The following KIAA0825 variants were observed in gnomAD, a reference collection of about 807,000 sequenced individuals.
KIAA0825 encodes uncharacterized protein KIAA0825.
Under a neutral mutation model 147.6 loss-of-function variants are expected in KIAA0825, and 119 were observed. The observed-to-expected ratio is 0.81, with a 90% confidence interval of 0.69 to 0.94. The LOEUF (loss-of-function observed/expected upper bound fraction) is 0.94, where lower values mean the gene tolerates loss of function less well. Among genes scored for constraint, KIAA0825 ranks in the 40% least tolerant of loss-of-function variants. The pLI, the probability that KIAA0825 is intolerant of heterozygous loss-of-function variation, is 0.00. For synonymous variants in KIAA0825, 470 were observed against 518.1 expected (o/e 0.91, Z 1.26); for missense variants, 1,381 against 1,472.7 (o/e 0.94, Z 1.02).
At chr5:94,360,245 G>A (rs1004599550) in intron 20 of KIAA0825, among the ~76,000 whole-genome samples, 1 of 151,970 alleles carries the variant, frequency 6.6e-6, no homozygotes, top group Non-Finnish European at 1.5e-5. Context: ...AATTCACCGA[G>A]AGGGAAAGAA....
intron 20 of KIAA0825, among the ~76,000 whole-genome samples, chr5:94,185,556 T>C (rs1770042142): frequency 6.6e-6 from 1 of 152,172 alleles, no homozygotes; most frequent in South Asian, 2.1e-4. Context: ...TCTCAAATTA[T>C]AAGACCCTGG....
intron 2 of KIAA0825, among the ~76,000 whole-genome samples, chr5:94,559,285 T>C (rs1321981387): frequency 6.6e-6 from 1 of 152,244 alleles, no homozygotes; most frequent in African/African-American, 2.4e-5. Flanking sequence ...TGGAAAATGT[T>C]GTAAAGGACT....
chr5:94,513,694 A>G (rs1363253778), intron 5 of KIAA0825, among the ~76,000 whole-genome samples: 1 of 152,102 alleles, frequency 6.6e-6, no homozygotes, highest in African/African-American at 2.4e-5. Flanking sequence ...AGATAAAGAT[A>G]TGTACACATA....
At chr5:94,507,015 T>C (rs1765813696) in intron 5 of KIAA0825, among the ~76,000 whole-genome samples, 1 of 152,178 alleles carries the variant, frequency 6.6e-6, no homozygotes, top group Admixed American at 6.5e-5. Context: ...ACTAGTATCA[T>C]ACACAACAAA....
intron 20 of KIAA0825, among the ~76,000 whole-genome samples, chr5:94,266,417 A>G (rs1053295236): frequency 6.6e-6 from 1 of 152,200 alleles, no homozygotes; most frequent in Non-Finnish European, 1.5e-5. Context: ...AGACCAATTC[A>G]AAGTACAAGA....
intron 14 of KIAA0825, 51 bp from the exon 15 acceptor site, chr5:94,417,416 G>A: frequency 6.9e-7 from 1 of 1,445,278 alleles, no homozygotes; most frequent in Non-Finnish European, 9.4e-7. Flanking sequence ...TAAGATATCA[G>A]TGAATATGAT....
intron 20 of KIAA0825, among the ~76,000 whole-genome samples, chr5:94,364,169 T>C (rs1397632306): frequency 6.6e-6 from 1 of 151,786 alleles, no homozygotes; most frequent in Non-Finnish European, 1.5e-5. Context: ...ACGTATATAA[T>C]GTAGTGTATA....
At chr5:94,557,262 C>T (rs777465731) in intron 2 of KIAA0825, among the ~76,000 whole-genome samples, 2 of 152,118 alleles carry the variant, frequency 1.3e-5, no homozygotes, top group African/African-American at 4.8e-5. Context: ...CAGGCACGTG[C>T]TACCATGCCT....
At chr5:94,568,065 T>C (rs1023739177) in intron 2 of KIAA0825, 1 of 164,672 alleles carries the variant, frequency 6.1e-6, no homozygotes, top group African/African-American at 2.4e-5. Flanking sequence ...CAATTAGGAC[T>C]CATGGTAGTC....
intron 20 of KIAA0825, among the ~76,000 whole-genome samples, chr5:94,205,565 A>G (rs965057419): frequency 4.6e-5 from 7 of 152,090 alleles, no homozygotes; most frequent in African/African-American, 1.7e-4. Context: ...TGCTGGGATT[A>G]CAGGCGTGAG....
At position 94,471,478 on chromosome 5, in the gene KIAA0825, TC is replaced by T. The variant is rs1284267813; in HGVS notation, c.1708del (p.Glu570LysfsTer2). 1.9e-6 allele frequency: 3 copies of T among 1,551,978 alleles called. No individual in the cohort carries two copies. In the South Asian group the frequency reaches 3.6e-5, roughly 18 times the overall value. On this transcript the variant is annotated frameshift_variant, in exon 9 of 21. Transcript: ENST00000682413. LOFTEE classifies it high-confidence loss of function. ...HFKRYDNLMKEMTKKPIFLVL... is the reference protein window; with the variant it reads ...HFKRYDNLMKXMTKKPIFLVL... ...AAACAACACTCACTTTTTAGTCATT[TC>T]CTTCATCAAATTATCATATCGCTTG...
At chr5:94,413,179 G>A (rs765163723) in intron 15 of KIAA0825, 3 of 151,632 alleles carry the variant, frequency 2.0e-5, no homozygotes, top group East Asian at 2.0e-4. Flanking sequence ...TCAAACTCTC[G>A]ACCGCAGATG....
intron 3 of KIAA0825, among the ~76,000 whole-genome samples, chr5:94,529,261 T>G (rs1770089253): frequency 7.7e-6 from 1 of 129,592 alleles, no homozygotes; most frequent in Non-Finnish European, 1.6e-5. Context: ...TATGTATATA[T>G]CATATATATG....
At chr5:94,488,531 T>C (rs1763330998) in intron 5 of KIAA0825, among the ~76,000 whole-genome samples, 1 of 152,084 alleles carries the variant, frequency 6.6e-6, no homozygotes, top group African/African-American at 2.4e-5. Context: ...ACGTAAATAA[T>C]GAGGAGATAG....
At chr5:94,581,382 T>G (rs1010289753) in intron 2 of KIAA0825, among the ~76,000 whole-genome samples, 1 of 152,220 alleles carries the variant, frequency 6.6e-6, no homozygotes, top group Admixed American at 6.5e-5. Flanking sequence ...GAATTCCACT[T>G]CTGTATGACC....
At chr5:94,395,954 A>G in intron 17 of KIAA0825, 147 bp downstream of exon 17, 2 of 685,280 alleles carry the variant, frequency 2.9e-6, no homozygotes, top group Non-Finnish European at 4.4e-6. Flanking sequence ...TTAATGGGAT[A>G]CTTATCTTTT....
At position 94,473,322 on chromosome 5, in the gene KIAA0825, A is replaced by T. The variant is rs1368027787; in HGVS notation, c.1425T>A (p.Pro475=). The part of the protein sequence containing the change: ...QQVWQDSHMF[P]EEEQPKKIGK... ...CAATTTTCTTTGGTTGTTCCTCCTC[A>T]GGAAACATATGGCTGTCTTGCCAAA... Residue 475 remains proline (P), a synonymous_variant, in exon 8 of 21, where the codon CCT becomes CCA. Coordinates refer to ENST00000682413, the MANE Select transcript of KIAA0825 (RefSeq NM_001145678.3). The T allele has an allele frequency of 6.6e-5, 103 of 1,551,800 alleles. No homozygotes were observed. In the East Asian group the frequency reaches 2.4e-3, roughly 36 times the overall value.
intron 1 of KIAA0825, among the ~76,000 whole-genome samples, chr5:94,604,209 A>T (rs1787050397): frequency 6.6e-6 from 1 of 152,184 alleles, no homozygotes; most frequent in South Asian, 2.1e-4. Context: ...TGCAAAAAAA[A>T]TTGCAATCAT....
At chr5:94,513,606 G>C (rs1766806392) in intron 5 of KIAA0825, among the ~76,000 whole-genome samples, 1 of 152,000 alleles carries the variant, frequency 6.6e-6, no homozygotes, top group Non-Finnish European at 1.5e-5. Flanking sequence ...TTAGAACAAT[G>C]ATTCAGATGC....
Sources: gnomAD v4.1 joint callset for allele counts (sites outside exome capture counted in the v4.1 genomes callset) on GRCh38, gnomAD v4.1.1 for gene constraint, MANE v1.5 for transcripts, NCBI Gene and HGNC (gene_info 2026-07-23, HGNC 2026-07-21) for gene names.